BRD9: variants seen among roughly 807,000 people sequenced by gnomAD.
BRD9 encodes bromodomain-containing protein 9.
In BRD9, 47 loss-of-function variants were observed where a neutral mutation model predicts 68.7. The observed-to-expected ratio is 0.68, with a 90% confidence interval of 0.54 to 0.87. BRD9 has a LOEUF of 0.87. Among genes scored for constraint, BRD9 ranks in the 40% least tolerant of loss-of-function variants. The pLI, the probability that BRD9 is intolerant of heterozygous loss-of-function variation, is 0.00. For missense variants in BRD9, 670 were observed against 748.4 expected (o/e 0.90, Z 1.22); for synonymous variants, 313 against 293.9 (o/e 1.06, Z -0.67).
intron 11 of BRD9, among the ~76,000 whole-genome samples, chr5:878,059 C>A (rs1380059298): frequency 2.6e-5 from 4 of 152,216 alleles, no homozygotes; most frequent in African/African-American, 9.6e-5. Context: ...GCAGCCTGAG[C>A]TAGCACGGTC....
chr5:891,378 A>C (rs1753367768), intron 2 of BRD9, 91 bp from the exon 3 acceptor site: 5 of 1,477,578 alleles, frequency 3.4e-6, no homozygotes, highest in African/African-American at 1.4e-5. Context: ...CAGGGGAGGG[A>C]CAGAACTAAG....
intron 8 of BRD9, chr5:883,388 A>T: frequency 2.2e-6 from 1 of 456,944 alleles, no homozygotes; most frequent in South Asian, 1.5e-5. Context: ...GCTGCTAGGA[A>T]GCCTGAGACT....
At position 876,161 on chromosome 5, in the gene BRD9, G is replaced by T. The variant is rs1406821967; in HGVS notation, c.1323C>A (p.Asp441Glu). ...DAGSYSKKVVDDLLDQITGGD... is the reference protein window; with the variant it reads ...DAGSYSKKVVEDLLDQITGGD... ...CGCCTGTGATCTGGTCCAGGAGGTC[G>T]TCCACCACTTTCTTGCTGTAGCTCC... The change falls in exon 12 of 16, where the codon GAC becomes GAA. Residue 441 changes from aspartate to glutamate, a missense_variant. Transcript: ENST00000467963. The T allele has an allele frequency of 1.2e-6, 2 of 1,613,658 alleles. No homozygotes were observed. The highest frequency in any genetic ancestry group is 1.7e-6 in the Non-Finnish European group (2 of 1,179,962).
chr5:886,055 T>C (rs1035040168), intron 7 of BRD9, among the ~76,000 whole-genome samples: 4 of 152,188 alleles, frequency 2.6e-5, no homozygotes, highest in African/African-American at 9.7e-5. Flanking sequence ...TACAGGGAGC[T>C]GTGGCCTGCA....
Position 891,291 on chromosome 5 carries a change from G to A in BRD9, c.268-4C>T. 5.8e-6 allele frequency: 9 copies of A among 1,550,928 alleles called. No homozygotes were observed. The highest frequency in any genetic ancestry group is 7.8e-6 in the Non-Finnish European group (9 of 1,146,570). On this transcript the variant is annotated splice_region_variant and splice_polypyrimidine_tract_variant and intron_variant, in intron 2 of 15. Transcript: ENST00000467963. ...CTCGCTTCCGCTTCTTCTCTTCCTG[G>A]GCGGCAGAGTCAAGGGAGTGAGAAA...
At chr5:881,817 C>T (rs993674662) in intron 8 of BRD9, 2 of 153,480 alleles carry the variant, frequency 1.3e-5, no homozygotes, top group Non-Finnish European at 2.9e-5. Flanking sequence ...AGTCTCAGAG[C>T]CCACAGGATG....
At chr5:885,046 C>G (rs370455680) in intron 7 of BRD9, among the ~76,000 whole-genome samples, 1 of 152,206 alleles carries the variant, frequency 6.6e-6, no homozygotes, top group Non-Finnish European at 1.5e-5. Flanking sequence ...ACAACCCCAC[C>G]GCAGCTGAGC....
chr5:877,673 T>C (rs1021456816), intron 11 of BRD9, among the ~76,000 whole-genome samples: 5 of 152,350 alleles, frequency 3.3e-5, no homozygotes, highest in South Asian at 4.1e-4. Flanking sequence ...TTTAGTATTA[T>C]ACTTTAGCCT....
At chr5:889,912 A>G in intron 3 of BRD9, 2 of 513,538 alleles carry the variant, frequency 3.9e-6, no homozygotes, top group Non-Finnish European at 6.9e-6. Context: ...ATCACTTAGC[A>G]ATGTTTTCAG....
In BRD9 at chr5:876,274, G is replaced by C. The variant is rs1002231133; in HGVS notation, c.1272-62C>G. On this transcript the variant is annotated intron_variant, in intron 11 of 15. Coordinates refer to ENST00000467963, the MANE Select transcript of BRD9 (RefSeq NM_023924.5). ...CCCTTGTCGCCTGGCCCTCGCGGCA[G>C]CCCTGATCACAGAAGCCTGCCGTGC... 2.3e-6 allele frequency: 3 copies of C among 1,317,802 alleles called. No homozygotes were observed. In the South Asian group the frequency reaches 3.7e-5, roughly 16 times the overall value. 81.6% of individuals were successfully genotyped at this position (1,317,802 alleles called of 1,614,324 possible).
intron 8 of BRD9, chr5:882,025 C>G (rs1382593702): frequency 6.6e-6 from 1 of 152,570 alleles, no homozygotes; most frequent in Non-Finnish European, 1.5e-5. Context: ...CCAACAGAAT[C>G]CCTCTGCACA....
chr5:884,868 T>C (rs1160466304), intron 7 of BRD9, among the ~76,000 whole-genome samples: 1 of 152,262 alleles, frequency 6.6e-6, no homozygotes, highest in Admixed American at 6.5e-5. Context: ...CCATTACCGA[T>C]GCGCACTGCT....
intron 5 of BRD9, 29 bp downstream of exon 5, chr5:888,992 G>A (rs756910640): frequency 3.8e-6 from 6 of 1,596,486 alleles, no homozygotes; most frequent in South Asian, 3.4e-5. Context: ...ACTATGCCAC[G>A]ATTACTTCGG....
chr5:878,605 A>G (rs1199237751), intron 10 of BRD9, 118 bp from the exon 11 acceptor site: 6 of 1,417,110 alleles, frequency 4.2e-6, no homozygotes, highest in Admixed American at 1.9e-5. Context: ...CCCCAGTCTC[A>G]CCTCTCTTGC....
At chr5:871,620 G>C (rs1022695807) in intron 12 of BRD9, 56 bp from the exon 13 acceptor site, 1 of 1,516,554 alleles carries the variant, frequency 6.6e-7, no homozygotes, top group Non-Finnish European at 9.2e-7. Flanking sequence ...CATAGAAACG[G>C]ACAATTCGCT....
chr5:891,535 C>T (rs1753399412), intron 2 of BRD9, 105 bp downstream of exon 2: 1 of 1,469,380 alleles, frequency 6.8e-7, no homozygotes, highest in African/African-American at 1.4e-5. Flanking sequence ...GGAACACCCC[C>T]TCCCCTCCTC....
intron 6 of BRD9, 136 bp from the exon 7 acceptor site, chr5:886,843 T>C: frequency 1.4e-6 from 2 of 1,468,738 alleles, no homozygotes; most frequent in Non-Finnish European, 9.2e-7. Flanking sequence ...TGGGATGGGA[T>C]GGGGATGGTC....
intron 2 of BRD9, 81 bp downstream of exon 2, chr5:891,559 G>T: frequency 6.7e-7 from 1 of 1,503,660 alleles, no homozygotes. Context: ...CCACGCAGGC[G>T]CACTCTGCCT....
Position 864,529 on chromosome 5 carries a change from A to T in BRD9, c.1733T>A (p.Val578Asp). 1 of 1,613,998 alleles carries T rather than the reference A, an allele frequency of 6.2e-7. No homozygotes were observed. Among genetic ancestry groups the T allele is most frequent in the East Asian group, 2.2e-5 (1 of 44,882 alleles). The change falls in exon 16 of 16, where the codon GTC (valine) becomes GAC (aspartate). Residue 578 changes from valine (V) to aspartate (D), a missense_variant. Physicochemically the swap from Val to Asp is radical, Grantham distance 152. Transcript: ENST00000467963. ...SRLSVGEQPD[V>D]THDPYEFLQS... ...AAGAAACTCATAGGGGTCGTGGGTG[A>T]CGTCTGGCTGCTCCCCGACACTCAG...
Sources: allele counts gnomAD v4.1 joint callset (sites outside exome capture counted in the v4.1 genomes callset), GRCh38; gene constraint gnomAD v4.1.1; transcripts MANE v1.5; gene names NCBI Gene and HGNC (gene_info 2026-07-23, HGNC 2026-07-21).